Variants in CSNK1G3 observed in about 807,000 individuals in gnomAD.
CSNK1G3 encodes the protein casein kinase I isoform gamma-3.
A neutral mutation model predicts 64.3 loss-of-function variants in CSNK1G3; 23 were observed. That is an observed-to-expected ratio of 0.36 (90% confidence interval 0.26 to 0.51). The LOEUF is 0.51. Ranked by LOEUF, CSNK1G3 falls within the 20% of genes least tolerant of loss-of-function variation. The probability of loss-of-function intolerance (pLI) is 0.96; values close to 1 mark genes in which losing one functional copy is unlikely to be tolerated. For missense variants in CSNK1G3, 357 were observed against 510.5 expected, an observed-to-expected ratio of 0.70 and a Z score of 2.90; for synonymous variants, 158 against 162.2, an observed-to-expected ratio of 0.97 and a Z score of 0.20.
At chr5:123,609,398 G>T (rs1160764595) in intron 12 of CSNK1G3, among the ~76,000 whole-genome samples, 1 of 152,006 alleles carries the variant, frequency 6.6e-6, no homozygotes, top group African/African-American at 2.4e-5. Context: ...TTCTATTTTG[G>T]GTTAGTATTC....
chr5:123,571,774 A>G (rs2150666433), intron 4 of CSNK1G3, among the ~76,000 whole-genome samples: 1 of 142,652 alleles, frequency 7.0e-6, no homozygotes, highest in Middle Eastern at 4.0e-3. Context: ...TACTGAAAAA[A>G]AATCACTTGG....
intron 2 of CSNK1G3, among the ~76,000 whole-genome samples, chr5:123,551,883 A>G (rs1262108453): frequency 2.0e-5 from 3 of 152,162 alleles, no homozygotes; most frequent in African/African-American, 7.2e-5. Flanking sequence ...CAGAAATCAT[A>G]TTGTACAGTT....
At chr5:123,586,179 A>G (rs951096394) in intron 6 of CSNK1G3, among the ~76,000 whole-genome samples, 3 of 152,312 alleles carry the variant, frequency 2.0e-5, no homozygotes, top group East Asian at 1.9e-4. Context: ...ACGAATCTAT[A>G]CTGTATGATT....
chr5:123,599,387 G>C (rs1794037079), intron 10 of CSNK1G3, among the ~76,000 whole-genome samples: 1 of 152,208 alleles, frequency 6.6e-6, no homozygotes, highest in Admixed American at 6.5e-5. Context: ...ACCAGGCATT[G>C]TTGAGGAAAA....
intron 1 of CSNK1G3, among the ~76,000 whole-genome samples, chr5:123,542,406 A>G (rs1262246246): frequency 6.6e-6 from 1 of 152,180 alleles, no homozygotes; most frequent in East Asian, 1.9e-4. Context: ...TTTAAAGGAA[A>G]TTAATACTCA....
At chr5:123,512,978 C>T (rs1013159998) in intron 1 of CSNK1G3, among the ~76,000 whole-genome samples, 24 of 152,050 alleles carry the variant, frequency 1.6e-4, no homozygotes, top group Admixed American at 5.2e-4. Flanking sequence ...TGACTGTGTC[C>T]AGACAATTAC....
At chr5:123,516,614 A>G (rs1777206568) in intron 1 of CSNK1G3, among the ~76,000 whole-genome samples, 1 of 152,160 alleles carries the variant, frequency 6.6e-6, no homozygotes, top group Non-Finnish European at 1.5e-5. Flanking sequence ...ACTCTTAACA[A>G]TGAATTGAAG....
intron 12 of CSNK1G3, among the ~76,000 whole-genome samples, chr5:123,610,249 A>G (rs185773757): frequency 6.6e-6 from 1 of 152,300 alleles, no homozygotes; most frequent in Non-Finnish European, 1.5e-5. Context: ...ATGAAATTAC[A>G]CTTCAGGTTT....
rs1580880339 is a variant in CSNK1G3 at position 123,524,832 on chromosome 5, T to C, written c.-248+12262T>C. On this transcript the variant is annotated intron_variant, in intron 1 of 12. Transcript: ENST00000345990. ...TTGTGCAGAGGTAGTGTTCTGTGTA[T>C]GTGGTCTCTTTTCTTTCCATCCTTA... Among the ~76,000 whole-genome samples, 3 of 152,210 alleles carry C rather than the reference T, an allele frequency of 2.0e-5. No individual in the cohort carries two copies. The South Asian group carries it at 6.2e-4, about 32-fold the overall frequency.
intron 1 of CSNK1G3, among the ~76,000 whole-genome samples, chr5:123,523,783 G>A (rs755303353): frequency 1.7e-4 from 26 of 152,128 alleles, no homozygotes; most frequent in Non-Finnish European, 2.9e-4. Flanking sequence ...CTTTTTCTGT[G>A]TGTTTGGTAC....
intron 4 of CSNK1G3, among the ~76,000 whole-genome samples, chr5:123,561,915 C>G (rs1273555075): frequency 1.3e-5 from 2 of 152,108 alleles, no homozygotes. Context: ...TCAATTTTGT[C>G]TCTTAAAATC....
intron 4 of CSNK1G3, 112 bp from the exon 5 acceptor site, chr5:123,573,281 A>G (rs1044720826): frequency 9.1e-7 from 1 of 1,102,650 alleles, no homozygotes; most frequent in Admixed American, 2.0e-5. Context: ...GGAAAAAGTG[A>G]TAGTACTGCT....
At chr5:123,534,811 C>T (rs189209874) in intron 1 of CSNK1G3, among the ~76,000 whole-genome samples, 23 of 152,084 alleles carry the variant, frequency 1.5e-4, no homozygotes, top group Non-Finnish European at 2.4e-4. Context: ...ACAGAGACTG[C>T]GAGATAATGT....
intron 10 of CSNK1G3, among the ~76,000 whole-genome samples, chr5:123,602,391 T>C (rs922558139): frequency 6.6e-6 from 1 of 152,202 alleles, no homozygotes; most frequent in African/African-American, 2.4e-5. Context: ...GGGATGTTTA[T>C]CTTGCTTACT....
chr5:123,520,519 T>A (rs1393431916), intron 1 of CSNK1G3, among the ~76,000 whole-genome samples: 1 of 151,456 alleles, frequency 6.6e-6, no homozygotes, highest in African/African-American at 2.4e-5. Context: ...TGGGGTGGGA[T>A]GTGTTTTCTA....
chr5:123,558,571 C>T (rs1454047547), intron 4 of CSNK1G3, among the ~76,000 whole-genome samples: 3 of 152,106 alleles, frequency 2.0e-5, no homozygotes, highest in Non-Finnish European at 4.4e-5. Flanking sequence ...ATACTGATAT[C>T]AGTTTTACAT....
exon 11 of CSNK1G3, chr5:123,604,744 A>C (rs775434717): frequency 1.9e-6 from 3 of 1,610,506 alleles, no homozygotes; most frequent in Non-Finnish European, 2.5e-6. Context: ...CTACAAATGG[A>C]GAGTTAAACA....
At chr5:123,561,241 G>A (rs575503819) in intron 4 of CSNK1G3, among the ~76,000 whole-genome samples, 1 of 152,094 alleles carries the variant, frequency 6.6e-6, no homozygotes, top group African/African-American at 2.4e-5. Flanking sequence ...GTCTTGTTTT[G>A]TCACATCTAC....
intron 7 of CSNK1G3, 130 bp downstream of exon 7, chr5:123,588,283 C>T (rs1053484022): frequency 1.2e-5 from 12 of 1,022,038 alleles, no homozygotes; most frequent in Middle Eastern, 4.6e-4. Flanking sequence ...CCCTGTGTTG[C>T]CCAGGCTGGT....
Sources: gnomAD v4.1 joint callset for allele counts (sites outside exome capture counted in the v4.1 genomes callset) on GRCh38, gnomAD v4.1.1 for gene constraint, MANE v1.5 for transcripts, NCBI Gene and HGNC (gene_info 2026-07-23, HGNC 2026-07-21) for gene names.